The following SGK2 variants were observed in gnomAD, a reference collection of about 807,000 sequenced individuals.
SGK2 encodes serum/glucocorticoid regulated kinase 2.
SGK2 carries 36 observed loss-of-function variants against 47.5 expected under a neutral mutation model. The observed-to-expected ratio is 0.76, with a 90% CI of 0.58 to 1.00. The LOEUF is 1.00. Among genes scored for constraint, SGK2 ranks in the 50% least tolerant of loss-of-function variants. SGK2 has a pLI of 0.00. For synonymous variants in SGK2, 157 were observed against 181.9 expected (o/e 0.86, Z 1.10); for missense variants, 404 against 467.4 (o/e 0.86, Z 1.25).
intron 6 of SGK2, 99 bp downstream of exon 6, chr20:43,569,615 T>C (rs1979975422): frequency 7.0e-7 from 1 of 1,423,532 alleles, no homozygotes; most frequent in Admixed American, 1.9e-5. Context: ...ATGATCTCAC[T>C]TCATCTTACA....
At position 43,570,820 on chromosome 20, in the gene SGK2, T is replaced by C. The variant is rs1980062541; in HGVS notation, c.473+91T>C. The C allele has an allele frequency of 5.5e-6, 7 of 1,273,892 alleles. No homozygotes were observed. In the South Asian group the frequency reaches 9.3e-5, roughly 17 times the overall value. 78.9% of individuals were successfully genotyped at this position (1,273,892 alleles called of 1,614,324 possible). On this transcript the variant is annotated intron_variant, in intron 7 of 12. Coordinates refer to ENST00000373100, the MANE Select transcript of SGK2 (RefSeq NM_170693.3). Reference sequence around the variant, plus strand: ...TGGACACTAAATCCTGATGAAATCCTGGTGGACTTGGTCCTTTGTTTTGGG... The same window carrying C: ...TGGACACTAAATCCTGATGAAATCCCGGTGGACTTGGTCCTTTGTTTTGGG...
chr20:43,571,008 C>G lies in SGK2; in HGVS notation c.474-16C>G. 6.2e-7 allele frequency: 1 copy of G among 1,612,082 alleles called. No individual in the cohort carries two copies. Among genetic ancestry groups the G allele is most frequent in the Non-Finnish European group, 8.5e-7 (1 of 1,180,018 alleles). On this transcript the variant is annotated splice_polypyrimidine_tract_variant and intron_variant, in intron 7 of 12. Transcript: ENST00000373100. The stretch of plus-strand genomic sequence containing the variant: ...GGCTGAGACACCTCAAGGCTGTTTT[C>G]TCTTATTTTCTGCAGGGATCTGAAA...
At chr20:43,566,988 A>C in intron 2 of SGK2, 80 bp from the exon 3 acceptor site, 1 of 1,162,564 alleles carries the variant, frequency 8.6e-7, no homozygotes. Context: ...TTGTTGGAGA[A>C]GGGATCAGGG....
In SGK2 at chr20:43,574,942, T is replaced by C. The variant is rs751073833; in HGVS notation, c.631T>C (p.Tyr211His). 6.2e-7 allele frequency: 1 copy of C among 1,613,628 alleles called. No individual in the cohort carries two copies. The highest frequency in any genetic ancestry group is 1.3e-5 in the African/African-American group (1 of 74,894). ...LAPEVLRKEP[Y>H]DRAVDWWCLG... Reference sequence around the variant, plus strand: ...ACCTGAAGTGCTTCGGAAAGAGCCTTATGATCGAGCAGTGGACTGGTGGTG... The same window carrying C: ...ACCTGAAGTGCTTCGGAAAGAGCCTCATGATCGAGCAGTGGACTGGTGGTG... The change falls in exon 10 of 13, where the codon TAT becomes CAT. Residue 211 changes from tyrosine to histidine, a missense_variant. Tyr to His is a moderately conservative substitution (Grantham distance 83). Transcript: ENST00000373100.
chr20:43,574,868 CT>C, intron 9 of SGK2, 40 bp from the exon 10 acceptor site: 1 of 1,515,982 alleles, frequency 6.6e-7, no homozygotes, highest in Non-Finnish European at 9.1e-7. Context: ...GCAACTGAGG[CT>C]TAACGACTTA....
At chr20:43,573,646 C>T (rs1197608463) in intron 9 of SGK2, among the ~76,000 whole-genome samples, 1 of 152,182 alleles carries the variant, frequency 6.6e-6, no homozygotes, top group Non-Finnish European at 1.5e-5. Context: ...TGGCATGAGA[C>T]AGGACCTCAG....
At chr20:43,560,073 G>T (rs532524399) in intron 1 of SGK2, among the ~76,000 whole-genome samples, 1 of 152,228 alleles carries the variant, frequency 6.6e-6, no homozygotes, top group Non-Finnish European at 1.5e-5. Flanking sequence ...AGGCATGGGG[G>T]TCACAGTCAA....
intron 6 of SGK2, 111 bp downstream of exon 6, chr20:43,569,627 T>A: frequency 2.3e-6 from 3 of 1,281,674 alleles, no homozygotes; most frequent in Non-Finnish European, 3.2e-6. Flanking sequence ...CATCTTACAA[T>A]AGACCCATTT....
intron 12 of SGK2, among the ~76,000 whole-genome samples, chr20:43,582,003 T>G (rs750631791): frequency 1.3e-5 from 2 of 152,240 alleles, no homozygotes; most frequent in Admixed American, 6.5e-5. Flanking sequence ...TCTTAATTGT[T>G]TTAATTTATA....
intron 1 of SGK2, among the ~76,000 whole-genome samples, chr20:43,560,696 A>G (rs1979329781): frequency 6.6e-6 from 1 of 152,066 alleles, no homozygotes; most frequent in South Asian, 2.1e-4. Context: ...ATATTGTATC[A>G]CATGTATGTT....
At position 43,566,418 on chromosome 20, in the gene SGK2, G is replaced by A. The variant is rs759387934; in HGVS notation, c.-23-55G>A. ...GTGGTGCCTGAAGCCCTGGATGGGCGGAGCTGACCCCCCAACACCAACTCT... is the reference window on the plus strand; with the variant it reads ...GTGGTGCCTGAAGCCCTGGATGGGCAGAGCTGACCCCCCAACACCAACTCT... On this transcript the variant is annotated intron_variant, in intron 1 of 12. Transcript: ENST00000373100. 4.3e-5 allele frequency: 70 copies of A among 1,613,956 alleles called. No homozygotes were observed. Among genetic ancestry groups the A allele is most frequent in the South Asian group, 6.6e-5 (6 of 91,088 alleles).
chr20:43,571,092 TGTG>T, intron 8 of SGK2, 32 bp downstream of exon 8: 2 of 1,609,974 alleles, frequency 1.2e-6, no homozygotes, highest in Non-Finnish European at 1.7e-6. Context: ...TGTGTGTGTG[TGTG>T]TGTGTGTATG....
intron 4 of SGK2, 23 bp from the exon 5 acceptor site, chr20:43,567,893 C>G (rs201531536): frequency 6.2e-7 from 1 of 1,611,866 alleles, no homozygotes; most frequent in Non-Finnish European, 8.5e-7. Context: ...CCTACAGGGC[C>G]TCAAATTCAT....
At chr20:43,561,509 C>T (rs1979377357) in intron 1 of SGK2, among the ~76,000 whole-genome samples, 1 of 151,478 alleles carries the variant, frequency 6.6e-6, no homozygotes, top group Non-Finnish European at 1.5e-5. Context: ...CCTGCCTCAG[C>T]CTCCTGAGTA....
Position 43,569,378 on chromosome 20 carries a change from T to C in SGK2, c.229-7T>C. 6.2e-7 allele frequency: 1 copy of C among 1,613,756 alleles called. No individual in the cohort carries two copies. ...TGACATGGACCCCTCTCTTTGTGAC[T>C]CCACAGCAGAGCCACATCATGGCAG... On this transcript the variant is annotated splice_region_variant and splice_polypyrimidine_tract_variant and intron_variant, in intron 5 of 12. Coordinates refer to ENST00000373100, the MANE Select transcript of SGK2 (RefSeq NM_170693.3).
chr20:43,560,281 C>A (rs1979302460), intron 1 of SGK2, among the ~76,000 whole-genome samples: 1 of 152,134 alleles, frequency 6.6e-6, no homozygotes, highest in South Asian at 2.1e-4. Context: ...GGCGGATCAC[C>A]TGAGGTCAGG....
intron 1 of SGK2, among the ~76,000 whole-genome samples, chr20:43,559,583 C>T (rs974990467): frequency 6.6e-6 from 1 of 152,176 alleles, no homozygotes; most frequent in African/African-American, 2.4e-5. Context: ...ATGATAGTTC[C>T]TAACCCGTGG....
rs376000344 is a variant in SGK2 at position 43,571,066 on chromosome 20, T to TGGGTGG, written c.510+7_510+8insGGTGGG. The TGGGTGG allele has an allele frequency of 0.02, 1,255 of 62,060 alleles. 3 individuals are homozygous for TGGGTGG. The highest frequency in any genetic ancestry group is 0.03 in the South Asian group (88 of 2,902). The allele number at this position is 62,060 out of a possible 1,614,324, so 3.8% of individuals were successfully genotyped here. Reference sequence around the variant, plus strand: ...ACATTCTCTTGGACTGCCAGGTTGGTGTGTGTGTGTGTGTGTGTGTGTGTG... The same window carrying TGGGTGG: ...ACATTCTCTTGGACTGCCAGGTTGGTGGGTGGGTGTGTGTGTGTGTGTGTGTGTGTG... On this transcript the variant is annotated splice_region_variant and intron_variant, in intron 8 of 12. Transcript: ENST00000373100.
chr20:43,567,931 C>T lies in SGK2; in HGVS notation c.160C>T (p.Arg54Cys), dbSNP rs756048017. 53 of 1,614,008 alleles carry T rather than the reference C, an allele frequency of 3.3e-5. No individual in the cohort carries two copies. In the South Asian group the frequency reaches 4.4e-4, roughly 13 times the overall value. ...TTCTTCTCAGGTCCTACTGGCCAAG[C>T]GCAAGTCTGATGGGGCGTTCTATGC... The part of the protein sequence containing the change: ...GNYGKVLLAK[R>C]KSDGAFYAVK... The change falls in exon 5 of 13, where the codon CGC (arginine) becomes TGC (cysteine). Residue 54 changes from arginine to cysteine, a missense_variant. Transcript: ENST00000373100.
Sources: gnomAD v4.1 joint callset for allele counts (sites outside exome capture counted in the v4.1 genomes callset) on GRCh38, gnomAD v4.1.1 for gene constraint, MANE v1.5 for transcripts, NCBI Gene and HGNC (gene_info 2026-07-23, HGNC 2026-07-21) for gene names.